The following MOCS1 variants were observed in gnomAD, a reference collection of about 807,000 sequenced individuals.
The protein encoded by MOCS1 is molybdenum cofactor synthesis 1, also known as molybdenum cofactor biosynthesis protein 1.
A neutral mutation model predicts 57.6 loss-of-function variants in MOCS1; 39 were observed. The ratio of observed to expected loss-of-function variants is 0.68; its 90% CI spans 0.52 to 0.88. MOCS1 has a LOEUF of 0.88. Ranked by LOEUF, MOCS1 falls within the 40% of genes least tolerant of loss-of-function variation. The pLI is 0.00. For synonymous variants in MOCS1, 334 were observed against 335.7 expected, an observed-to-expected ratio of 1.00 and a Z score of 0.05; for missense variants, 795 against 831.1, an observed-to-expected ratio of 0.96 and a Z score of 0.53.
chr6:39,907,536 C>A (rs1440949550), intron 10 of MOCS1, among the ~76,000 whole-genome samples: 2 of 152,168 alleles, frequency 1.3e-5, no homozygotes, highest in African/African-American at 4.8e-5. Context: ...CTATTTTTAT[C>A]TTCACATTCT....
chr6:39,931,039 C>A (rs1367143185), intron 1 of MOCS1, among the ~76,000 whole-genome samples: 3 of 152,188 alleles, frequency 2.0e-5, no homozygotes, highest in African/African-American at 7.2e-5. Flanking sequence ...GGCCTTCCAA[C>A]CCTACTAACA....
intron 1 of MOCS1, among the ~76,000 whole-genome samples, chr6:39,933,652 G>T (rs1406183714): frequency 2.0e-5 from 3 of 152,172 alleles, no homozygotes; most frequent in Admixed American, 1.3e-4. Flanking sequence ...ACTCTGAGGG[G>T]TGCTGGCAAG....
intron 1 of MOCS1, 96 bp downstream of exon 1, chr6:39,934,199 T>C: frequency 7.0e-7 from 1 of 1,420,948 alleles, no homozygotes; most frequent in Non-Finnish European, 9.2e-7. Context: ...CCAGAAGCGG[T>C]CAAGCAGATA....
Position 39,904,197 on chromosome 6 carries a change from G to C in MOCS1, c.*2160C>G, listed in dbSNP as rs551555542. The C allele has an allele frequency of 6.2e-4, 285 of 456,764 alleles. No individual in the cohort carries two copies. The highest frequency in any genetic ancestry group is 2.5e-3 in the African/African-American group (124 of 50,218). 28.3% of individuals were successfully genotyped at this position (456,764 alleles called of 1,614,324 possible). The stretch of plus-strand genomic sequence containing the variant: ...CAAGATACATTTGATCTTCAGAAAA[G>C]CAGAATTTGGTTCAACTGTTGACAG... On this transcript the variant is annotated 3_prime_UTR_variant, in exon 11 of 11. Coordinates refer to ENST00000340692, the MANE Select transcript of MOCS1 (RefSeq NM_001358530.2).
In MOCS1 at chr6:39,906,517, C is replaced by T. The variant is rs764926640; in HGVS notation, c.1751G>A (p.Arg584Gln). The change falls in exon 11 of 11, where the codon CGG becomes CAG. Residue 584 changes from arginine to glutamine, a missense_variant. Coordinates refer to ENST00000340692, the MANE Select transcript of MOCS1 (RefSeq NM_001358530.2). ...CTCCATCTCCACCCCGGTGGGGCCC[C>T]GAGCCCGGCAAGATGCCTGGATCTT... ...AVKIQASCRA[R>Q]GPTGVEMEAL... 119 of 1,613,818 alleles carry T rather than the reference C, an allele frequency of 7.4e-5. No individual in the cohort carries two copies. Among genetic ancestry groups the T allele is most frequent in the Admixed American group, 1.2e-4 (7 of 60,012 alleles).
At position 39,904,722 on chromosome 6, in the gene MOCS1, C is replaced by A. The variant is rs898971999; in HGVS notation, c.*1635G>T. On this transcript the variant is annotated 3_prime_UTR_variant, in exon 11 of 11. Transcript: ENST00000340692. ...TCTCCCCCGACTTCTACCAGGGATG[C>A]CTTCACGCCAAGGCTGTTCTCACCA... The A allele has an allele frequency of 6.6e-6, 3 of 454,024 alleles. No homozygotes were observed. The highest frequency in any genetic ancestry group is 6.0e-5 in the African/African-American group (3 of 50,020). 28.1% of individuals were successfully genotyped at this position (454,024 alleles called of 1,614,324 possible).
intron 1 of MOCS1, among the ~76,000 whole-genome samples, 147 bp downstream of exon 1, chr6:39,934,139 CGGTCCATCT>C (rs1161818891): frequency 6.6e-6 from 1 of 152,026 alleles, no homozygotes; most frequent in Non-Finnish European, 1.5e-5. Context: ...TGAGACCGGG[CGGTCCATCT>C]GGAGAACATC....
intron 3 of MOCS1, among the ~76,000 whole-genome samples, chr6:39,921,302 G>A (rs1767955453): frequency 6.6e-6 from 1 of 152,082 alleles, no homozygotes; most frequent in Admixed American, 6.5e-5. Flanking sequence ...GGGAGGCTGA[G>A]GTGGGAGAAT....
intron 1 of MOCS1, among the ~76,000 whole-genome samples, chr6:39,928,203 T>C (rs1053631802): frequency 2.6e-5 from 4 of 151,588 alleles, no homozygotes; most frequent in Admixed American, 2.6e-4. Flanking sequence ...CTCGCTCTTT[T>C]GCCCAGGCTG....
At chr6:39,918,716 T>C (rs1215620197) in intron 3 of MOCS1, among the ~76,000 whole-genome samples, 3 of 151,930 alleles carry the variant, frequency 2.0e-5, no homozygotes, top group African/African-American at 7.3e-5. Flanking sequence ...AGAGATGCAG[T>C]AAACACAAGA....
intron 10 of MOCS1, among the ~76,000 whole-genome samples, chr6:39,908,693 C>A (rs1279095575): frequency 1.3e-5 from 2 of 152,128 alleles, no homozygotes; most frequent in South Asian, 4.1e-4. Context: ...GGACACCTGT[C>A]ACATTATCCA....
At position 39,907,057 on chromosome 6, in the gene MOCS1, G is replaced by A. The variant is rs570962724; in HGVS notation, c.1211C>T (p.Pro404Leu). 9.2e-5 allele frequency: 149 copies of A among 1,613,480 alleles called. 1 individual carries two copies. In the South Asian group the frequency reaches 1.1e-3, roughly 12 times the overall value. Residue 404 changes from proline to leucine, a missense_variant, in exon 11 of 11, where the codon CCG becomes CTG. Pro to Leu is a moderately conservative substitution (Grantham distance 98, BLOSUM62 -3). Coordinates refer to ENST00000340692, the MANE Select transcript of MOCS1 (RefSeq NM_001358530.2). ...GGGTCTTAGACCCTGAACATGGAGC[G>A]GGTCCCAGGAGAAAATGCTTGGATT... Reference protein sequence around the residue: ...PANPSIFSWDPLHVQGLRPRM... With the variant: ...PANPSIFSWDLLHVQGLRPRM...
In MOCS1 at chr6:39,913,814, C is replaced by G. The variant is rs1767494476; in HGVS notation, c.605G>C (p.Gly202Ala). Residue 202 changes from glycine to alanine, a missense_variant, in exon 5 of 11, where the codon GGC becomes GCC. Physicochemically the swap from Gly to Ala is moderately conservative, Grantham distance 60. Transcript: ENST00000340692. Reference sequence around the variant, plus strand: ...GCCCAGCTCGATGGCCTTGTGGATGCCCTCCATGACCTTGTGGAAGCCTGG... The same window carrying G: ...GCCCAGCTCGATGGCCTTGTGGATGGCCTCCATGACCTTGTGGAAGCCTGG... ...RRKGFHKVMEGIHKAIELGYN... is the reference protein window; with the variant it reads ...RRKGFHKVMEAIHKAIELGYN... The G allele has an allele frequency of 6.2e-7, 1 of 1,614,190 alleles. No individual in the cohort carries two copies. The highest frequency in any genetic ancestry group is 8.5e-7 in the Non-Finnish European group (1 of 1,180,032).
chr6:39,911,382 G>A (rs146552144), intron 8 of MOCS1, among the ~76,000 whole-genome samples: 3 of 151,988 alleles, frequency 2.0e-5, no homozygotes, highest in South Asian at 2.1e-4. Context: ...CTCTCCTTCC[G>A]CGAACATTAC....
In MOCS1 at chr6:39,904,269, G is replaced by T. The variant is rs1354706623; in HGVS notation, c.*2088C>A. ...AGAGCTCAGCCTTCTCACTCTAAAA[G>T]AAAGATATTTTTCTATTTATTTTCT... On this transcript the variant is annotated 3_prime_UTR_variant, in exon 11 of 11. Coordinates refer to ENST00000340692, the MANE Select transcript of MOCS1 (RefSeq NM_001358530.2). 2.2e-6 allele frequency: 1 copy of T among 456,596 alleles called. No homozygotes were observed. The highest frequency in any genetic ancestry group is 6.9e-5 in the East Asian group (1 of 14,398). The allele number at this position is 456,596 out of a possible 1,614,324, so 28.3% of individuals were successfully genotyped here.
chr6:39,934,434 G>A lies in MOCS1; in HGVS notation c.-17C>T, dbSNP rs751032777. The A allele has an allele frequency of 7.0e-6, 11 of 1,564,278 alleles. No homozygotes were observed. Among genetic ancestry groups the A allele is most frequent in the East Asian group, 4.6e-5 (2 of 43,014 alleles). ...CGCCGCCATGAAGCCTGATACGAGC[G>A]GAACCGCAGCCCGCTTCGGGAGCAC... On this transcript the variant is annotated 5_prime_UTR_variant, in exon 1 of 11. Transcript: ENST00000340692.
chr6:39,909,837 G>C lies in MOCS1; in HGVS notation c.1100C>G (p.Ala367Gly). ...AAVGRKKRQH[A>G]GMFSISQMKN... ...AGCCCTCCCCACCCTGCACTTACCT[G>C]CATGCTGCCGCTTCTTCCTGCCCAC... is the stretch of plus-strand genomic sequence containing the variant. The change falls in exon 9 of 11, where the codon GCA (alanine) becomes GGA (glycine). Residue 367 changes from alanine (A) to glycine (G), a missense_variant and splice_region_variant. This residue lies in a region of MOCS1 where 374 missense variants were observed against 422.6 expected (regional missense o/e 0.89). Coordinates refer to ENST00000340692, the MANE Select transcript of MOCS1 (RefSeq NM_001358530.2). 2 of 1,613,010 alleles carry C rather than the reference G, an allele frequency of 1.2e-6. No homozygotes were observed. The highest frequency in any genetic ancestry group is 1.7e-6 in the Non-Finnish European group (2 of 1,180,000).
rs1766996743 is a variant in MOCS1 at position 39,906,970 on chromosome 6, G to A, written c.1298C>T (p.Pro433Leu). Reference protein sequence around the residue: ...LWKGCRVPQTPPLAQQRLGSG... With the variant: ...LWKGCRVPQTLPLAQQRLGSG... ...CCCCAGCCGCTGCTGGGCTAGAGGAGGGGTCTGGGGGACCCTGCATCCTTT... is the reference window on the plus strand; with the variant it reads ...CCCCAGCCGCTGCTGGGCTAGAGGAAGGGTCTGGGGGACCCTGCATCCTTT... Residue 433 changes from proline to leucine, a missense_variant, in exon 11 of 11, where the codon CCT (proline) becomes CTT (leucine). Pro to Leu is a moderately conservative substitution (Grantham distance 98, BLOSUM62 -3). Around this residue, in one of 3 missense-constraint regions of MOCS1, gnomAD observed 374 missense variants for 422.6 expected, o/e 0.89. Coordinates refer to ENST00000340692, the MANE Select transcript of MOCS1 (RefSeq NM_001358530.2). The A allele has an allele frequency of 6.2e-7, 1 of 1,614,154 alleles. No individual in the cohort carries two copies. Among genetic ancestry groups the A allele is most frequent in the Non-Finnish European group, 8.5e-7 (1 of 1,180,024 alleles).
intron 1 of MOCS1, 120 bp from the exon 2 acceptor site, chr6:39,927,575 A>G (rs1281594670): frequency 6.2e-7 from 1 of 1,608,924 alleles, no homozygotes; most frequent in Non-Finnish European, 8.5e-7. Flanking sequence ...CAACTCTTCC[A>G]CATGTTTGGG....
Sources: gnomAD v4.1 joint callset for allele counts (sites outside exome capture counted in the v4.1 genomes callset) on GRCh38, gnomAD v4.1.1 for gene constraint, gnomAD v4.1.1 regional missense constraint, MANE v1.5 for transcripts, NCBI Gene and HGNC (gene_info 2026-07-23, HGNC 2026-07-21) for gene names.